CARMIL1: variants seen among roughly 807,000 people sequenced by gnomAD.
CARMIL1 encodes capping protein regulator and myosin 1 linker 1.
CARMIL1 carries 90 observed loss-of-function variants against 177.1 expected under a neutral mutation model. The observed-to-expected ratio is 0.51, with a 90% confidence interval of 0.43 to 0.61. The LOEUF is 0.61. Ranked by LOEUF, CARMIL1 falls within the 20% of genes least tolerant of loss-of-function variation. The probability of loss-of-function intolerance (pLI) is 0.00; values close to 1 mark genes in which losing one functional copy is unlikely to be tolerated. For synonymous variants in CARMIL1, 577 were observed against 606.2 expected, an observed-to-expected ratio of 0.95 and a Z score of 0.71; for missense variants, 1,380 against 1,667.0, an observed-to-expected ratio of 0.83 and a Z score of 3.00.
rs922174367 is a variant in CARMIL1, at chr6:25,571,535, A to G, written c.2743-9389A>G. 4.6e-5 allele frequency among the ~76,000 whole-genome samples: 7 copies of G among 152,186 alleles called. No homozygotes were observed. In the East Asian group the frequency reaches 1.3e-3, roughly 29 times the overall value. On this transcript the variant is annotated intron_variant, in intron 29 of 36. Coordinates refer to ENST00000329474, the MANE Select transcript of CARMIL1 (RefSeq NM_017640.6). ...TTGCTTAAAAATCTACGTGGACTAA[A>G]AGTATCACCTCATAGAGTTACTATT...
chr6:25,441,755 A>G (rs1797803291), intron 5 of CARMIL1, among the ~76,000 whole-genome samples: 2 of 152,250 alleles, frequency 1.3e-5, no homozygotes, highest in East Asian at 3.9e-4. Flanking sequence ...GAACTAGGGA[A>G]GGGTTTAGAG....
rs1466815604 is a variant in CARMIL1, at chr6:25,538,003, G to A, written c.2196+20G>A. On this transcript the variant is annotated intron_variant, in intron 25 of 36. Transcript: ENST00000329474. ...AAAACGGTGAGTTTCACTTCAGGCT[G>A]TGTGAGAGTCTGGTATAATAAAAAC... 3.2e-6 allele frequency: 5 copies of A among 1,586,354 alleles called. No homozygotes were observed. Among genetic ancestry groups the A allele is most frequent in the Non-Finnish European group, 3.4e-6 (4 of 1,167,260 alleles).
rs192435017 is a variant in CARMIL1, at chr6:25,293,153, C to A, written c.138+8244C>A. 3.6e-3 allele frequency among the ~76,000 whole-genome samples: 544 copies of A among 150,440 alleles called. 2 individuals are homozygous for A. The highest frequency in any genetic ancestry group is 0.013 in the African/African-American group (527 of 40,802). On this transcript the variant is annotated intron_variant, in intron 2 of 36. Coordinates refer to ENST00000329474, the MANE Select transcript of CARMIL1 (RefSeq NM_017640.6). ...TTGGATTGGTATATATGGGGTATAT[C>A]ATTGTCTAAATCTTTACGTTACTGT...
intron 9 of CARMIL1, among the ~76,000 whole-genome samples, chr6:25,469,716 G>T (rs1800936329): frequency 6.6e-6 from 1 of 151,950 alleles, no homozygotes; most frequent in South Asian, 2.1e-4. Flanking sequence ...CGCAGTCTGG[G>T]ACCCCACCCC....
intron 36 of CARMIL1, among the ~76,000 whole-genome samples, chr6:25,611,010 T>C (rs1304444635): frequency 6.6e-6 from 1 of 152,220 alleles, no homozygotes; most frequent in Non-Finnish European, 1.5e-5. Flanking sequence ...TGTTTTATTT[T>C]AGATTTTTTT....
chr6:25,517,287 C>G (rs1202113691), intron 21 of CARMIL1, 60 bp from the exon 22 acceptor site: 1 of 1,290,192 alleles, frequency 7.8e-7, no homozygotes, highest in Non-Finnish European at 1.1e-6. Context: ...GGTTTATATT[C>G]AATGTGAGAA....
At chr6:25,463,720 A>T (rs1449855866) in intron 8 of CARMIL1, among the ~76,000 whole-genome samples, 2 of 152,208 alleles carry the variant, frequency 1.3e-5, no homozygotes, top group African/African-American at 2.4e-5. Flanking sequence ...AGGCAATAGG[A>T]AGAGATACAG....
chr6:25,599,031 G>A (rs1198847425), intron 32 of CARMIL1, among the ~76,000 whole-genome samples: 1 of 152,218 alleles, frequency 6.6e-6, no homozygotes, highest in Non-Finnish European at 1.5e-5. Context: ...TCCTCACTCA[G>A]CTCAGCTGCA....
intron 2 of CARMIL1, among the ~76,000 whole-genome samples, chr6:25,285,685 A>G (rs1211117757): frequency 4.6e-5 from 7 of 152,210 alleles, no homozygotes; most frequent in Non-Finnish European, 8.8e-5. Flanking sequence ...TTTCAAACAT[A>G]TGCAAAAAGC....
At chr6:25,341,678 G>A (rs930520593) in intron 2 of CARMIL1, among the ~76,000 whole-genome samples, 4 of 152,222 alleles carry the variant, frequency 2.6e-5, no homozygotes, top group Middle Eastern at 3.2e-3. Flanking sequence ...AGATTGTGCC[G>A]CTGCTCCAGC....
chr6:25,316,234 C>G (rs890480075), intron 2 of CARMIL1, among the ~76,000 whole-genome samples: 7 of 152,172 alleles, frequency 4.6e-5, no homozygotes, highest in Non-Finnish European at 1.0e-4. Context: ...GGAACACTGC[C>G]TGCCTGGCGA....
At chr6:25,528,672 C>A in intron 23 of CARMIL1, 123 bp from the exon 24 acceptor site, 1 of 724,108 alleles carries the variant, frequency 1.4e-6, no homozygotes, top group Non-Finnish European at 2.5e-6. Flanking sequence ...GGGGTCAAAG[C>A]ACTGGCAGGA....
intron 2 of CARMIL1, among the ~76,000 whole-genome samples, chr6:25,344,292 G>A (rs373138804): frequency 6.6e-6 from 1 of 152,046 alleles, no homozygotes; most frequent in South Asian, 2.1e-4. Context: ...ACGTCTTCAC[G>A]GACCCACACT....
intron 25 of CARMIL1, 46 bp from the exon 26 acceptor site, chr6:25,539,901 A>G (rs1808717895): frequency 7.1e-7 from 1 of 1,415,282 alleles, no homozygotes; most frequent in South Asian, 1.5e-5. Flanking sequence ...CTTTGATTGA[A>G]ATATTTACCC....
At chr6:25,505,148 A>G (rs1007788565) in intron 17 of CARMIL1, among the ~76,000 whole-genome samples, 2 of 152,246 alleles carry the variant, frequency 1.3e-5, no homozygotes, top group Non-Finnish European at 2.9e-5. Flanking sequence ...TCTTTCAAGA[A>G]GGATTACTCT....
intron 1 of CARMIL1, among the ~76,000 whole-genome samples, chr6:25,283,615 C>T (rs1178876574): frequency 6.6e-6 from 1 of 152,098 alleles, no homozygotes; most frequent in Non-Finnish European, 1.5e-5. Flanking sequence ...CCTTCTATTG[C>T]CTTTGACCAC....
intron 8 of CARMIL1, among the ~76,000 whole-genome samples, 152 bp downstream of exon 8, chr6:25,450,863 C>T (rs1798783597): frequency 8.0e-6 from 1 of 125,414 alleles, no homozygotes; most frequent in African/African-American, 3.0e-5. Flanking sequence ...CCCTCCCTTC[C>T]CTTCCCTTCT....
At chr6:25,311,718 A>G (rs1195337466) in intron 2 of CARMIL1, among the ~76,000 whole-genome samples, 1 of 152,130 alleles carries the variant, frequency 6.6e-6, no homozygotes, top group Non-Finnish European at 1.5e-5. Context: ...CCTAATAGAT[A>G]TGATACACAC....
chr6:25,334,935 A>G (rs1283354774), intron 2 of CARMIL1, among the ~76,000 whole-genome samples: 1 of 152,208 alleles, frequency 6.6e-6, no homozygotes, highest in African/African-American at 2.4e-5. Flanking sequence ...ATCTGAAACC[A>G]TAGGCCCTTC....
Sources: allele counts gnomAD v4.1 joint callset (sites outside exome capture counted in the v4.1 genomes callset), GRCh38; gene constraint gnomAD v4.1.1; transcripts MANE v1.5; gene names NCBI Gene and HGNC (gene_info 2026-07-23, HGNC 2026-07-21).